The following GUCA1C variants were observed in gnomAD, a reference collection of about 807,000 sequenced individuals.
GUCA1C encodes guanylate cyclase activator 1C.
In GUCA1C, 15 loss-of-function variants were observed where a neutral mutation model predicts 16.2. The ratio of observed to expected loss-of-function variants is 0.93; its 90% CI spans 0.62 to 1.43. The LOEUF (loss-of-function observed/expected upper bound fraction) is 1.43, where lower values mean the gene tolerates loss of function less well. Among genes scored for constraint, GUCA1C ranks in the 40% most tolerant of loss-of-function variants. The pLI, the probability that GUCA1C is intolerant of heterozygous loss-of-function variation, is 0.00. For missense variants in GUCA1C, 275 were observed against 244.8 expected (o/e 1.12, Z -0.82); for synonymous variants, 78 against 85.4 (o/e 0.91, Z 0.48).
intron 1 of GUCA1C, among the ~76,000 whole-genome samples, chr3:108,944,819 G>A (rs1039080974): frequency 4.6e-5 from 7 of 152,240 alleles, no homozygotes; most frequent in Non-Finnish European, 1.0e-4. Flanking sequence ...CTAGGGAAAT[G>A]TGGGATTTGA....
rs201721679 is a variant in GUCA1C at position 108,948,540 on chromosome 3, TA to T, written c.204+5018del. Among the ~76,000 whole-genome samples, 1,244 of 152,138 alleles carry T rather than the reference TA, an allele frequency of 8.2e-3. 16 individuals carry two copies. The highest frequency in any genetic ancestry group is 0.028 in the African/African-American group (1,161 of 41,530). On this transcript the variant is annotated intron_variant, in intron 1 of 3. Transcript: ENST00000261047. ...ATGGAGCACCTACTCCAGAGCTTCCTAAAAAAAAGTAAGTGTGAAATAAATT... is the reference window on the plus strand; with the variant it reads ...ATGGAGCACCTACTCCAGAGCTTCCTAAAAAAAGTAAGTGTGAAATAAATT...
rs1470952071 is a variant in GUCA1C at position 108,953,670 on chromosome 3, T to C, written c.93A>G (p.Pro31=). 4 of 1,612,798 alleles carry C rather than the reference T, an allele frequency of 2.5e-6. No homozygotes were observed. Among genetic ancestry groups the C allele is most frequent in the Non-Finnish European group, 3.4e-6 (4 of 1,178,760 alleles). The change falls in exon 1 of 4, where the codon CCA becomes CCG. Residue 31 remains proline, a synonymous_variant. Transcript: ENST00000261047. The stretch of plus-strand genomic sequence containing the variant: ...ATTCATGTAGTGTTTGCAGGCCGGA[T>C]GGATATTCCATCATAAATGTTCTGT... The part of the protein sequence containing the change: ...VWYRTFMMEY[P]SGLQTLHEFK...
chr3:108,918,006 T>C (rs1194564720), intron 2 of GUCA1C, among the ~76,000 whole-genome samples: 2 of 152,048 alleles, frequency 1.3e-5, no homozygotes, highest in East Asian at 1.9e-4. Context: ...GATCGTGCCA[T>C]TGCACTCCAG....
intron 1 of GUCA1C, among the ~76,000 whole-genome samples, chr3:108,948,724 C>T (rs1253117959): frequency 6.6e-6 from 1 of 152,030 alleles, no homozygotes; most frequent in East Asian, 1.9e-4. Context: ...TCTTTCCTTT[C>T]TTGAAAGACT....
rs200788419 is a variant in GUCA1C at position 108,952,397 on chromosome 3, AG to A, written c.204+1161del. Among the ~76,000 whole-genome samples the A allele has an allele frequency of 3.0e-4, 46 of 152,320 alleles. No individual in the cohort carries two copies. The East Asian group carries it at 8.9e-3, about 29-fold the overall frequency. ...TTGACACTAAGTAAAATTGATGAGGAGGAAAGCACTGTCATGCTGAACAGGC... is the reference window on the plus strand; with the variant it reads ...TTGACACTAAGTAAAATTGATGAGGAGAAAGCACTGTCATGCTGAACAGGC... On this transcript the variant is annotated intron_variant, in intron 1 of 3. Transcript: ENST00000261047.
intron 2 of GUCA1C, among the ~76,000 whole-genome samples, chr3:108,919,729 T>C (rs1462871792): frequency 2.0e-5 from 3 of 152,212 alleles, no homozygotes; most frequent in Non-Finnish European, 1.5e-5. Context: ...CTCCTTCATC[T>C]ATGAAACAAA....
upstream of GUCA1C, chr3:108,953,881 A>G: frequency 1.5e-6 from 1 of 667,616 alleles, no homozygotes; most frequent in Non-Finnish European, 2.7e-6. Flanking sequence ...AGCTACTCTA[A>G]ACCTCTTACA....
intron 1 of GUCA1C, among the ~76,000 whole-genome samples, chr3:108,928,906 A>G (rs1194151610): frequency 6.6e-6 from 1 of 152,160 alleles, no homozygotes; most frequent in Non-Finnish European, 1.5e-5. Context: ...CTTCAATATT[A>G]TATTGGCGAT....
At chr3:108,917,730 G>C (rs1470781972) in intron 2 of GUCA1C, among the ~76,000 whole-genome samples, 3 of 152,020 alleles carry the variant, frequency 2.0e-5, no homozygotes, top group African/African-American at 7.2e-5. Context: ...ATTCCAGCTG[G>C]TCCCTTTCCC....
Position 108,953,782 on chromosome 3 carries a change from C to A in GUCA1C, c.-20G>T. 1 of 1,581,514 alleles carries A rather than the reference C, an allele frequency of 6.3e-7. No homozygotes were observed. On this transcript the variant is annotated 5_prime_UTR_variant, in exon 1 of 4. Transcript: ENST00000261047. ...CCCCATCTTGACTCACAGTCTACAGCTTTTCCTCAGGTTGTTTTCACTTAA... is the reference window on the plus strand; with the variant it reads ...CCCCATCTTGACTCACAGTCTACAGATTTTCCTCAGGTTGTTTTCACTTAA...
chr3:108,917,856 C>A (rs1946533080), intron 2 of GUCA1C, among the ~76,000 whole-genome samples: 1 of 152,046 alleles, frequency 6.6e-6, no homozygotes, highest in Non-Finnish European at 1.5e-5. Flanking sequence ...ACCAGCCTGG[C>A]CAATATGGTG....
chr3:108,947,502 T>C (rs1946854085), intron 1 of GUCA1C, among the ~76,000 whole-genome samples: 1 of 151,844 alleles, frequency 6.6e-6, no homozygotes, highest in Non-Finnish European at 1.5e-5. Flanking sequence ...TATATACCAT[T>C]ATTTAAAGTT....
intron 3 of GUCA1C, among the ~76,000 whole-genome samples, chr3:108,910,816 AT>A (rs1417508579): frequency 1.3e-5 from 2 of 151,336 alleles, no homozygotes; most frequent in Non-Finnish European, 1.5e-5. Context: ...CACCTGGCTA[AT>A]TTTTTGTAAT....
intron 1 of GUCA1C, among the ~76,000 whole-genome samples, chr3:108,948,792 G>A (rs1330647911): frequency 6.6e-6 from 1 of 150,696 alleles, no homozygotes; most frequent in Non-Finnish European, 1.5e-5. Context: ...GTAGGTTGAT[G>A]TCTTTCTGCA....
chr3:108,928,972 A>G (rs1246543896), intron 1 of GUCA1C, among the ~76,000 whole-genome samples: 2 of 152,224 alleles, frequency 1.3e-5, no homozygotes, highest in African/African-American at 4.8e-5. Context: ...ATATTTACAA[A>G]GTAACTTGCT....
intron 1 of GUCA1C, among the ~76,000 whole-genome samples, chr3:108,952,777 T>C (rs182413527): frequency 6.6e-5 from 10 of 152,136 alleles, no homozygotes; most frequent in Non-Finnish European, 1.0e-4. Flanking sequence ...TTTTGAAATA[T>C]ACAAATCTAC....
chr3:108,908,817 G>T (rs1190763984), intron 3 of GUCA1C, among the ~76,000 whole-genome samples: 1 of 152,142 alleles, frequency 6.6e-6, no homozygotes, highest in African/African-American at 2.4e-5. Flanking sequence ...ATGTGTCCTG[G>T]CTGCCATGTT....
intron 3 of GUCA1C, 98 bp downstream of exon 3, chr3:108,916,029 C>A: frequency 6.7e-7 from 1 of 1,497,260 alleles, no homozygotes. Flanking sequence ...AACTAGGGTT[C>A]TCTTGAATGG....
chr3:108,918,425 A>G (rs1409824060), intron 2 of GUCA1C, among the ~76,000 whole-genome samples: 1 of 152,196 alleles, frequency 6.6e-6, no homozygotes, highest in African/African-American at 2.4e-5. Context: ...AGATACTTCC[A>G]AAATGTGCAC....
Sources: allele counts gnomAD v4.1 joint callset (sites outside exome capture counted in the v4.1 genomes callset), GRCh38; gene constraint gnomAD v4.1.1; transcripts MANE v1.5; gene names NCBI Gene and HGNC (gene_info 2026-07-23, HGNC 2026-07-21).